The following ARHGAP42 variants were observed in gnomAD, a reference collection of about 807,000 sequenced individuals.
The protein encoded by ARHGAP42 is rho GTPase-activating protein 42.
ARHGAP42 carries 63 observed loss-of-function variants against 125.0 expected under a neutral mutation model. The ratio of observed to expected loss-of-function variants is 0.50; its 90% CI spans 0.41 to 0.62. ARHGAP42 has a LOEUF of 0.62. Among genes scored for constraint, ARHGAP42 ranks in the 20% least tolerant of loss-of-function variants. The pLI is 0.00. For missense variants in ARHGAP42, 766 were observed against 1,024.2 expected (o/e 0.75, Z 3.44); for synonymous variants, 339 against 351.0 (o/e 0.97, Z 0.38).
intron 4 of ARHGAP42, among the ~76,000 whole-genome samples, chr11:100,871,134 T>C (rs1256891239): frequency 4.6e-5 from 7 of 152,172 alleles, no homozygotes; most frequent in Non-Finnish European, 8.8e-5. Context: ...AACTTTATAA[T>C]ATACATGGAA....
intron 1 of ARHGAP42, among the ~76,000 whole-genome samples, chr11:100,701,200 T>C (rs1243033823): frequency 4.6e-5 from 7 of 151,992 alleles, no homozygotes; most frequent in Admixed American, 1.3e-4. Context: ...GATTAAAATA[T>C]TCAGTAAACA....
At chr11:100,945,077 A>T (rs1867980709) in intron 10 of ARHGAP42, among the ~76,000 whole-genome samples, 1 of 152,050 alleles carries the variant, frequency 6.6e-6, no homozygotes, top group Non-Finnish European at 1.5e-5. Flanking sequence ...TGATATTCTA[A>T]ATCCGTTGTT....
rs1040333479 is a variant in ARHGAP42 at position 100,874,319 on chromosome 11, C to T, written c.384+14694C>T. 9.8e-5 allele frequency among the ~76,000 whole-genome samples: 15 copies of T among 152,292 alleles called. No individual in the cohort carries two copies. In the South Asian group the frequency reaches 1.0e-3, roughly 11 times the overall value. ...AGATACCCAAACACCTCCCACTAGG[C>T]CCTGATTCCCAGGACTGCTACACTG... On this transcript the variant is annotated intron_variant, in intron 4 of 23. Coordinates refer to ENST00000298815, the MANE Select transcript of ARHGAP42 (RefSeq NM_152432.4).
In ARHGAP42 at chr11:100,857,429, T is replaced by C. The variant is rs200975477; in HGVS notation, c.313-2125T>C. Reference sequence around the variant, plus strand: ...GTAGATGTAAACCATTGGATGTGAATGTGAGTGCCAAGGTCTTAGGATATG... The same window carrying C: ...GTAGATGTAAACCATTGGATGTGAACGTGAGTGCCAAGGTCTTAGGATATG... On this transcript the variant is annotated intron_variant, in intron 3 of 23. Transcript: ENST00000298815. Among the ~76,000 whole-genome samples the C allele has an allele frequency of 5.9e-5, 9 of 152,240 alleles. No homozygotes were observed. In the South Asian group the frequency reaches 8.3e-4, roughly 14 times the overall value.
intron 22 of ARHGAP42, among the ~76,000 whole-genome samples, chr11:100,980,312 A>G (rs145626924): frequency 1.6e-4 from 24 of 152,184 alleles, no homozygotes; most frequent in African/African-American, 5.8e-4. Flanking sequence ...GCTTTAGTGT[A>G]AGGGATTTAA....
At chr11:100,830,844 C>G (rs1163846405) in intron 3 of ARHGAP42, among the ~76,000 whole-genome samples, 1 of 152,042 alleles carries the variant, frequency 6.6e-6, no homozygotes. Flanking sequence ...TTTGAGAAAC[C>G]TTGGTGGGCA....
At chr11:100,908,762 T>C (rs569505062) in intron 4 of ARHGAP42, among the ~76,000 whole-genome samples, 1 of 152,328 alleles carries the variant, frequency 6.6e-6, no homozygotes, top group African/African-American at 2.4e-5. Flanking sequence ...TAATCCCATC[T>C]TGTACTGGGA....
chr11:100,772,819 G>A lies in ARHGAP42; in HGVS notation c.250+2381G>A, dbSNP rs142747650. ...AGAAAAGCTATACCCACATATTTAC[G>A]TAACAGTTATTTTCACTTAGTTGTT... is the stretch of plus-strand genomic sequence containing the variant. On this transcript the variant is annotated intron_variant, in intron 2 of 23. Coordinates refer to ENST00000298815, the MANE Select transcript of ARHGAP42 (RefSeq NM_152432.4). Among the ~76,000 whole-genome samples, 566 of 152,198 alleles carry A rather than the reference G, an allele frequency of 3.7e-3. 3 individuals are homozygous for A. The highest frequency in any genetic ancestry group is 4.9e-3 in the Non-Finnish European group (331 of 68,010).
In ARHGAP42 at chr11:100,840,782, G is replaced by A. The variant is rs555822223; in HGVS notation, c.313-18772G>A. ...TTGTTTCTTAATAATATATAGAAGT[G>A]TCTAAAGTTGTTCCCAAATTTGTAT... On this transcript the variant is annotated intron_variant, in intron 3 of 23. Coordinates refer to ENST00000298815, the MANE Select transcript of ARHGAP42 (RefSeq NM_152432.4). The A allele has an allele frequency of 4.6e-5, 7 of 152,240 alleles. No individual in the cohort carries two copies. The East Asian group carries it at 1.4e-3, about 29-fold the overall frequency. The allele number at this position is 152,240 out of a possible 1,614,324, so 9.4% of individuals were successfully genotyped here.
intron 3 of ARHGAP42, among the ~76,000 whole-genome samples, chr11:100,853,889 T>C (rs1865262866): frequency 6.7e-6 from 1 of 149,472 alleles, no homozygotes. Context: ...ATACTAAAAC[T>C]CCAATAGCAG....
chr11:100,863,934 G>C (rs1443205623), intron 4 of ARHGAP42, among the ~76,000 whole-genome samples: 1 of 152,096 alleles, frequency 6.6e-6, no homozygotes, highest in East Asian at 1.9e-4. Context: ...CGTCGTATTA[G>C]CATTATGCAA....
intron 13 of ARHGAP42, among the ~76,000 whole-genome samples, chr11:100,960,662 A>G (rs1406809157): frequency 2.0e-5 from 3 of 152,122 alleles, no homozygotes; most frequent in Non-Finnish European, 4.4e-5. Context: ...GCTTTTTTAT[A>G]TTCAAATAAT....
At chr11:100,700,322 G>T (rs1225860646) in intron 1 of ARHGAP42, among the ~76,000 whole-genome samples, 2 of 152,150 alleles carry the variant, frequency 1.3e-5, no homozygotes, top group Non-Finnish European at 2.9e-5. Flanking sequence ...CATGGCTACT[G>T]ACTGATCAGG....
rs553853385 is a variant in ARHGAP42, at chr11:100,722,587, C to T, written c.154+34755C>T. 1.3e-3 allele frequency among the ~76,000 whole-genome samples: 191 copies of T among 152,126 alleles called. 1 individual carries two copies. Among genetic ancestry groups the T allele is most frequent in the Middle Eastern group, 6.8e-3 (2 of 294 alleles). ...GTATTTTTAGTAGAGACGGGTTTCA[C>T]CATGTTGGCCAGGCTAGTCTCGAAC... On this transcript the variant is annotated intron_variant, in intron 1 of 23. Coordinates refer to ENST00000298815, the MANE Select transcript of ARHGAP42 (RefSeq NM_152432.4).
At chr11:100,932,906 G>A (rs1198642930) in intron 6 of ARHGAP42, among the ~76,000 whole-genome samples, 1 of 152,114 alleles carries the variant, frequency 6.6e-6, no homozygotes, top group East Asian at 1.9e-4. Context: ...CATTTGAATA[G>A]CAGAATAGTT....
intron 6 of ARHGAP42, among the ~76,000 whole-genome samples, chr11:100,922,637 A>G (rs1316949799): frequency 2.6e-5 from 4 of 152,234 alleles, no homozygotes; most frequent in Non-Finnish European, 5.9e-5. Flanking sequence ...CTGTTTCTAT[A>G]TTAGTGGATA....
chr11:100,974,419 C>T, intron 18 of ARHGAP42, 40 bp from the exon 19 acceptor site: 1 of 1,533,094 alleles, frequency 6.5e-7, no homozygotes, highest in Non-Finnish European at 8.8e-7. Context: ...GTGGCAATAT[C>T]ACCCTTTTAT....
intron 4 of ARHGAP42, among the ~76,000 whole-genome samples, chr11:100,885,262 C>T (rs1866063703): frequency 6.6e-6 from 1 of 152,134 alleles, no homozygotes; most frequent in African/African-American, 2.4e-5. Flanking sequence ...AATATTGGGC[C>T]GCTTCGATTG....
At chr11:100,901,217 C>T (rs879901206) in intron 4 of ARHGAP42, among the ~76,000 whole-genome samples, 3 of 152,182 alleles carry the variant, frequency 2.0e-5, no homozygotes, top group Non-Finnish European at 4.4e-5. Context: ...GTATCACCAG[C>T]GGAGGCAGCA....
Sources: gnomAD v4.1 joint callset for allele counts (sites outside exome capture counted in the v4.1 genomes callset) on GRCh38, gnomAD v4.1.1 for gene constraint, MANE v1.5 for transcripts, NCBI Gene and HGNC (gene_info 2026-07-23, HGNC 2026-07-21) for gene names.